ARHGEF12: variants seen among roughly 807,000 people sequenced by gnomAD.
The protein encoded by ARHGEF12 is KMT2A/ARHGEF12 fusion protein.
A neutral mutation model predicts 211.2 loss-of-function variants in ARHGEF12; 66 were observed. That is an observed-to-expected ratio of 0.31 (90% CI 0.26 to 0.38). ARHGEF12 has a LOEUF of 0.38. ARHGEF12 is among the 10% of genes least tolerant of loss of function. ARHGEF12 has a pLI of 1.00. For synonymous variants in ARHGEF12, 592 were observed against 638.4 expected (o/e 0.93, Z 1.09); for missense variants, 1,429 against 1,869.5 (o/e 0.76, Z 4.34).
chr11:120,336,775 G>A lies in ARHGEF12; in HGVS notation c.-469G>A. 1 of 275,616 alleles carries A rather than the reference G, an allele frequency of 3.6e-6. No individual in the cohort carries two copies. 17.1% of individuals were successfully genotyped at this position (275,616 alleles called of 1,614,324 possible). On this transcript the variant is annotated 5_prime_UTR_variant, in exon 1 of 41. Transcript: ENST00000397843. ...GAGACGCGGCCAACGCTGCGGCCAC[G>A]AGCAGCCGGCAGCCCCAGATAGAGA...
In ARHGEF12 at chr11:120,489,668, C is replaced by T. The variant is rs80010161; in HGVS notation, c.*4591C>T. 0.017 allele frequency: 3,525 copies of T among 210,444 alleles called. 39 individuals are homozygous for T. The highest frequency in any genetic ancestry group is 0.056 in the Middle Eastern group (37 of 658). 13.0% of individuals were successfully genotyped at this position (210,444 alleles called of 1,614,324 possible). On this transcript the variant is annotated 3_prime_UTR_variant, in exon 41 of 41. Transcript: ENST00000397843. ...GTCATTCAAGGGCACATTTGGCTGA[C>T]GGAGCTAATAAGCGTAATAAAATGC...
In ARHGEF12 at chr11:120,409,315, T is replaced by C. The variant is rs905028326; in HGVS notation, c.143-79T>C. The C allele has an allele frequency of 5.0e-6, 7 of 1,410,446 alleles. No homozygotes were observed. The African/African-American group carries it at 8.5e-5, about 17-fold the overall frequency. 87.4% of individuals were successfully genotyped at this position (1,410,446 alleles called of 1,614,324 possible). A position where few individuals can be genotyped will look rare whatever the true frequency, so the allele number is the denominator to read the frequency against. On this transcript the variant is annotated intron_variant, in intron 3 of 40. Coordinates refer to ENST00000397843, the MANE Select transcript of ARHGEF12 (RefSeq NM_015313.3). Reference sequence around the variant, plus strand: ...GATTTAACTTGATCATGATTCATTCTTTTTTCCCCATGAATTTTTCCCCTT... The same window carrying C: ...GATTTAACTTGATCATGATTCATTCCTTTTTCCCCATGAATTTTTCCCCTT...
At chr11:120,449,065 T>C in intron 20 of ARHGEF12, 44 bp from the exon 21 acceptor site, 1 of 1,542,586 alleles carries the variant, frequency 6.5e-7, no homozygotes, top group Non-Finnish European at 8.9e-7. Flanking sequence ...GCAAAAGAAA[T>C]TTACTCTGTT....
At chr11:120,350,537 G>A (rs904523649) in intron 1 of ARHGEF12, among the ~76,000 whole-genome samples, 8 of 151,586 alleles carry the variant, frequency 5.3e-5, no homozygotes, top group African/African-American at 9.7e-5. Flanking sequence ...AAAGTGAGAA[G>A]TATGTGTATT....
rs1565513353 is a variant in ARHGEF12, at chr11:120,477,438, T to TTC, written c.3453-9_3453-8insTC. ...GTAAAAGTTTTTTTTTTTTTTTTTT[T>TTC]CTCTACAGAGGAGATAATGATGAAG... On this transcript the variant is annotated splice_polypyrimidine_tract_variant and intron_variant, in intron 35 of 40. Transcript: ENST00000397843. 1 of 1,571,648 alleles carries TTC rather than the reference T, an allele frequency of 6.4e-7. No individual in the cohort carries two copies. The highest frequency in any genetic ancestry group is 1.2e-5 in the South Asian group (1 of 84,688).
chr11:120,345,174 C>T (rs1229836618), intron 1 of ARHGEF12, among the ~76,000 whole-genome samples: 6 of 152,080 alleles, frequency 3.9e-5, no homozygotes, highest in African/African-American at 1.4e-4. Flanking sequence ...AGTGATAAAA[C>T]GGAAAGAGGG....
intron 12 of ARHGEF12, chr11:120,439,155 C>G (rs1338283852): frequency 6.6e-6 from 1 of 152,068 alleles, no homozygotes; most frequent in Non-Finnish European, 1.5e-5. Context: ...GCCCAGCACC[C>G]ATGTTTATTA....
intron 22 of ARHGEF12, among the ~76,000 whole-genome samples, chr11:120,453,336 A>C (rs1031980740): frequency 2.0e-5 from 3 of 152,208 alleles, no homozygotes; most frequent in Non-Finnish European, 4.4e-5. Flanking sequence ...GGATGAACAG[A>C]AACCATAAAG....
chr11:120,458,151 C>T lies in ARHGEF12; in HGVS notation c.2297C>T (p.Pro766Leu), dbSNP rs746245917. ...EQFENDLETD[P>L]PNWQQLVSRE... ...TTTGAAAATGACTTAGAGACAGATC[C>T]ACCCAACTGGCAGCAGCTTGTTAGT... is the stretch of plus-strand genomic sequence containing the variant. The change falls in exon 25 of 41, where the codon CCA (proline) becomes CTA (leucine). Residue 766 changes from proline to leucine, a missense_variant. Pro to Leu is a moderately conservative substitution (Grantham distance 98). Transcript: ENST00000397843. 4 of 1,611,676 alleles carry T rather than the reference C, an allele frequency of 2.5e-6. No homozygotes were observed. The East Asian group carries it at 8.9e-5, about 36-fold the overall frequency.
chr11:120,467,646 G>T (rs1391816652), intron 29 of ARHGEF12, among the ~76,000 whole-genome samples: 1 of 124,456 alleles, frequency 8.0e-6, no homozygotes, highest in Non-Finnish European at 1.6e-5. Context: ...TCACTATGTT[G>T]CTCAGGCTGG....
intron 1 of ARHGEF12, among the ~76,000 whole-genome samples, chr11:120,396,914 A>G (rs1341573459): frequency 6.6e-6 from 1 of 152,220 alleles, no homozygotes; most frequent in East Asian, 1.9e-4. Context: ...GACTGCTTTC[A>G]TGTTTAATAC....
intron 3 of ARHGEF12, 61 bp from the exon 4 acceptor site, chr11:120,409,333 T>G: frequency 6.5e-7 from 1 of 1,543,836 alleles, no homozygotes; most frequent in East Asian, 2.2e-5. Flanking sequence ...CCATGAATTT[T>G]TCCCCTTACA....
At chr11:120,345,456 C>T (rs1942676378) in intron 1 of ARHGEF12, among the ~76,000 whole-genome samples, 1 of 152,180 alleles carries the variant, frequency 6.6e-6, no homozygotes, top group South Asian at 2.1e-4. Flanking sequence ...GTAATCCCAG[C>T]ACTTTGGGAG....
intron 1 of ARHGEF12, among the ~76,000 whole-genome samples, chr11:120,352,656 T>G (rs914227906): frequency 6.6e-6 from 1 of 152,190 alleles, no homozygotes; most frequent in Non-Finnish European, 1.5e-5. Flanking sequence ...TGTGTGGCAA[T>G]GGCCCTGTGC....
chr11:120,451,999 T>C (rs1946228457), intron 22 of ARHGEF12, among the ~76,000 whole-genome samples: 1 of 152,222 alleles, frequency 6.6e-6, no homozygotes, highest in Admixed American at 6.5e-5. Context: ...CTCATGCAGC[T>C]TTCTCTCTTG....
rs971063513 is a variant in ARHGEF12, at chr11:120,428,666, T to C, written c.585+419T>C. 2.0e-5 allele frequency among the ~76,000 whole-genome samples: 3 copies of C among 152,224 alleles called. 1 individual carries two copies. In the South Asian group the frequency reaches 6.2e-4, roughly 32 times the overall value. ...TAAGTCAAGAGTATACAAGTAACTA[T>C]AATACAAGGCAGAATGTAGACATTA... On this transcript the variant is annotated intron_variant, in intron 8 of 40. Coordinates refer to ENST00000397843, the MANE Select transcript of ARHGEF12 (RefSeq NM_015313.3).
At chr11:120,433,581 G>A (rs902279731) in intron 11 of ARHGEF12, among the ~76,000 whole-genome samples, 1 of 152,156 alleles carries the variant, frequency 6.6e-6, no homozygotes, top group South Asian at 2.1e-4. Flanking sequence ...CAAATGATAC[G>A]AATGAGAAAT....
chr11:120,453,831 A>G (rs1946282669), intron 22 of ARHGEF12, among the ~76,000 whole-genome samples: 2 of 152,180 alleles, frequency 1.3e-5, no homozygotes, highest in Admixed American at 1.3e-4. Flanking sequence ...CCCTGGAGAG[A>G]CTTTGGGCTC....
In ARHGEF12 at chr11:120,442,156, G is replaced by A; in HGVS notation, c.1256G>A (p.Arg419His). Reference sequence around the variant, plus strand: ...AAACATACCAATTCCAAAGAAACTCGTCGCATCTTCCTTGAGTTTCATCAG... The same window carrying A: ...AAACATACCAATTCCAAAGAAACTCATCGCATCTTCCTTGAGTTTCATCAG... Reference protein sequence around the residue: ...LYKHTNSKETRRIFLEFHQFF... With the variant: ...LYKHTNSKETHRIFLEFHQFF... The change falls in exon 15 of 41, where the codon CGT becomes CAT. Residue 419 changes from arginine (R) to histidine (H), a missense_variant. By Grantham distance (29) the Arg-to-His change is conservative. Around this residue, in one of 7 missense-constraint regions of ARHGEF12, gnomAD observed 373 missense variants for 467.5 expected, o/e 0.80. Coordinates refer to ENST00000397843, the MANE Select transcript of ARHGEF12 (RefSeq NM_015313.3). 2 of 1,610,338 alleles carry A rather than the reference G, an allele frequency of 1.2e-6. No individual in the cohort carries two copies. Among genetic ancestry groups the A allele is most frequent in the Non-Finnish European group, 1.7e-6 (2 of 1,179,306 alleles).
Sources: gnomAD v4.1 joint callset for allele counts (sites outside exome capture counted in the v4.1 genomes callset) on GRCh38, gnomAD v4.1.1 for gene constraint, gnomAD v4.1.1 regional missense constraint, MANE v1.5 for transcripts, NCBI Gene and HGNC (gene_info 2026-07-23, HGNC 2026-07-21) for gene names.